MYO16: variants seen among roughly 807,000 people sequenced by gnomAD.
MYO16 encodes myosin XVI.
A neutral mutation model predicts 205.3 loss-of-function variants in MYO16; 94 were observed. That is an observed-to-expected ratio of 0.46 (90% confidence interval 0.39 to 0.54). MYO16 has a LOEUF of 0.54. Ranked by LOEUF, MYO16 falls within the 20% of genes least tolerant of loss-of-function variation. The pLI is 0.00. For missense variants in MYO16, 2,315 were observed against 2,387.5 expected (o/e 0.97, Z 0.63); for synonymous variants, 988 against 954.0 (o/e 1.04, Z -0.66).
At chr13:108,720,823 A>T (rs1015241655) in intron 3 of MYO16, among the ~76,000 whole-genome samples, 2 of 152,198 alleles carry the variant, frequency 1.3e-5, no homozygotes, top group Non-Finnish European at 2.9e-5. Flanking sequence ...GATAACTCTT[A>T]TGTATGAACC....
chr13:109,186,644 T>A (rs1470682936), intron 34 of MYO16, among the ~76,000 whole-genome samples: 1 of 151,804 alleles, frequency 6.6e-6, no homozygotes, highest in Non-Finnish European at 1.5e-5. Context: ...ACACACACAA[T>A]CATATTGCTT....
intron 4 of MYO16, among the ~76,000 whole-genome samples, chr13:108,755,219 A>C (rs1885382850): frequency 1.3e-5 from 2 of 151,642 alleles, no homozygotes; most frequent in South Asian, 4.2e-4. Context: ...TAGCATGCAG[A>C]ACAAGCAGAG....
chr13:109,134,391 C>T (rs1168991795), intron 31 of MYO16, among the ~76,000 whole-genome samples: 1 of 152,232 alleles, frequency 6.6e-6, no homozygotes, highest in Non-Finnish European at 1.5e-5. Context: ...TAACAACCCA[C>T]CCAGAACTTA....
intron 20 of MYO16, among the ~76,000 whole-genome samples, chr13:108,987,471 A>G (rs908436851): frequency 3.3e-5 from 5 of 152,246 alleles, no homozygotes; most frequent in Non-Finnish European, 5.9e-5. Flanking sequence ...ACAGCGAGGC[A>G]TCAGGCCAAT....
intron 24 of MYO16, among the ~76,000 whole-genome samples, chr13:109,047,422 C>T (rs1426128228): frequency 6.6e-6 from 1 of 151,896 alleles, no homozygotes; most frequent in Non-Finnish European, 1.5e-5. Context: ...TTCATGCTCA[C>T]TATGTAGGAG....
intron 7 of MYO16, among the ~76,000 whole-genome samples, chr13:108,815,493 T>TGGAAG (rs1875532397): frequency 1.3e-5 from 2 of 151,868 alleles, no homozygotes; most frequent in African/African-American, 4.8e-5. Flanking sequence ...TTGAAGATGG[T>TGGAAG]GGAAGGGGAG....
intron 20 of MYO16, among the ~76,000 whole-genome samples, chr13:108,986,896 G>C (rs139354861): frequency 3.9e-5 from 6 of 152,274 alleles, no homozygotes; most frequent in Non-Finnish European, 8.8e-5. Flanking sequence ...CCTACAGCTA[G>C]ATGGCCAAGT....
At chr13:109,086,757 T>C (rs950344237) in intron 27 of MYO16, among the ~76,000 whole-genome samples, 3 of 152,168 alleles carry the variant, frequency 2.0e-5, no homozygotes, top group African/African-American at 7.2e-5. Context: ...ATGTTGCTAA[T>C]TACCCCTCAC....
At chr13:108,726,345 T>C (rs4379939) in intron 3 of MYO16, among the ~76,000 whole-genome samples, 36,417 of 151,602 alleles carry the variant, frequency 0.24, 5,288 homozygotes, top group African/African-American at 0.42. Flanking sequence ...CGGATCACGA[T>C]GTCAAGAGAT....
intron 7 of MYO16, among the ~76,000 whole-genome samples, chr13:108,812,677 C>A (rs891548809): frequency 7.9e-5 from 12 of 152,154 alleles, no homozygotes; most frequent in Non-Finnish European, 1.2e-4. Flanking sequence ...TGTGTCTCCC[C>A]AAAATTTGTG....
At chr13:108,950,887 C>G (rs1215656032) in intron 16 of MYO16, among the ~76,000 whole-genome samples, 3 of 152,210 alleles carry the variant, frequency 2.0e-5, no homozygotes, top group Non-Finnish European at 4.4e-5. Context: ...TAGCCGTACA[C>G]AGCATGAATC....
At chr13:108,604,050 G>A (rs540854620) in intron 1 of MYO16, among the ~76,000 whole-genome samples, 169 of 152,082 alleles carry the variant, frequency 1.1e-3, no homozygotes, top group Non-Finnish European at 2.1e-3. Context: ...TTCACAAGGC[G>A]GCAGGTGAGA....
intron 32 of MYO16, among the ~76,000 whole-genome samples, chr13:109,160,973 A>C (rs1012875935): frequency 1.3e-5 from 2 of 152,168 alleles, no homozygotes; most frequent in South Asian, 2.1e-4. Context: ...TTACGGGAGA[A>C]CCCAACCATC....
intron 30 of MYO16, among the ~76,000 whole-genome samples, chr13:109,126,884 A>G (rs545235269): frequency 3.3e-5 from 5 of 152,318 alleles, no homozygotes; most frequent in East Asian, 1.9e-4. Flanking sequence ...GTAACTCTCT[A>G]TTAAGATGGA....
At chr13:108,535,988 T>C in the MYO16 span, among the ~76,000 whole-genome samples, 1 of 151,970 alleles carries the variant, frequency 6.6e-6, no homozygotes. Context: ...CTTTCTGTGT[T>C]TTATGTCTGT....
chr13:109,136,039 T>C (rs1876758232), intron 31 of MYO16, among the ~76,000 whole-genome samples: 2 of 152,022 alleles, frequency 1.3e-5, no homozygotes, highest in South Asian at 4.2e-4. Flanking sequence ...TTGGAAGTCA[T>C]TTCTTTTCTT....
chr13:108,799,651 C>T (rs954302726), intron 6 of MYO16, among the ~76,000 whole-genome samples: 1 of 152,150 alleles, frequency 6.6e-6, no homozygotes, highest in African/African-American at 2.4e-5. Context: ...CAAGTTTTCA[C>T]CCCCAGCCCC....
At chr13:108,786,198 G>A (rs116537517) in intron 5 of MYO16, among the ~76,000 whole-genome samples, 2 of 152,158 alleles carry the variant, frequency 1.3e-5, no homozygotes, top group Admixed American at 1.3e-4. Context: ...TCTGCAAATC[G>A]ACCCTTTGTG....
At chr13:109,034,388 G>T (rs1419862134) in intron 23 of MYO16, among the ~76,000 whole-genome samples, 2 of 152,148 alleles carry the variant, frequency 1.3e-5, no homozygotes, top group Non-Finnish European at 2.9e-5. Flanking sequence ...GTGACAGTGA[G>T]TTCTAACAAG....
Sources: gnomAD v4.1 joint callset for allele counts (sites outside exome capture counted in the v4.1 genomes callset) on GRCh38, gnomAD v4.1.1 for gene constraint, MANE v1.5 for transcripts, NCBI Gene and HGNC (gene_info 2026-07-23, HGNC 2026-07-21) for gene names.